Variants in MYO1D observed in about 807,000 individuals in gnomAD.
The protein encoded by MYO1D is myosin ID, also known as unconventional myosin-Id.
A neutral mutation model predicts 122.0 loss-of-function variants in MYO1D; 83 were observed. The ratio of observed to expected loss-of-function variants is 0.68; its 90% CI spans 0.57 to 0.82. MYO1D has a LOEUF of 0.82. MYO1D is among the 40% of genes least tolerant of loss of function. The probability of loss-of-function intolerance (pLI) is 0.00; values close to 1 mark genes in which losing one functional copy is unlikely to be tolerated. For missense variants in MYO1D, 1,157 were observed against 1,269.5 expected (o/e 0.91, Z 1.35); for synonymous variants, 464 against 446.9 (o/e 1.04, Z -0.48).
chr17:32,679,667 G>A (rs1278788911), intron 16 of MYO1D, among the ~76,000 whole-genome samples: 1 of 152,210 alleles, frequency 6.6e-6, no homozygotes, highest in African/African-American at 2.4e-5. Context: ...CTGTAGCCTT[G>A]TAGTAGAGTT....
Position 32,527,838 on chromosome 17 carries a change from C to CT in MYO1D, c.2865-32924dup, listed in dbSNP as rs35009377. 1.6e-3 allele frequency among the ~76,000 whole-genome samples: 216 copies of CT among 134,854 alleles called. 1 individual carries two copies. The highest frequency in any genetic ancestry group is 2.8e-3 in the Admixed American group (38 of 13,532). The allele number at this position is 134,854 out of a possible 152,430, so 88.5% of individuals were successfully genotyped here. On this transcript the variant is annotated intron_variant, in intron 21 of 21. Transcript: ENST00000318217. ...TAAAAGCTACATAAAAGCAAAACAA[C>CT]TTTTTTTTTTTTTTTTTTGAGGCAG...
At chr17:32,762,358 T>G (rs992049037) in intron 8 of MYO1D, among the ~76,000 whole-genome samples, 3 of 152,154 alleles carry the variant, frequency 2.0e-5, no homozygotes, top group Non-Finnish European at 4.4e-5. Context: ...TTATTCTTGC[T>G]TCTCTCATTC....
At chr17:32,500,210 C>T (rs1349657009) in intron 21 of MYO1D, among the ~76,000 whole-genome samples, 2 of 152,190 alleles carry the variant, frequency 1.3e-5, no homozygotes, top group Non-Finnish European at 2.9e-5. Context: ...AGGCCTCAGT[C>T]CATCTGCTGT....
At chr17:32,691,388 T>C (rs2089096739) in intron 16 of MYO1D, among the ~76,000 whole-genome samples, 1 of 151,118 alleles carries the variant, frequency 6.6e-6, no homozygotes, top group Admixed American at 6.6e-5. Context: ...TCATGAGAAA[T>C]GTTGCAAAGA....
rs144273706 is a variant in MYO1D, at chr17:32,731,768, C to T, written c.1746+6485G>A. Reference sequence around the variant, plus strand: ...CGCACTTCCTGGGTGCAGCTGTGGCCGCCCAGCTACGGTGCAGGACCCAGG... The same window carrying T: ...CGCACTTCCTGGGTGCAGCTGTGGCTGCCCAGCTACGGTGCAGGACCCAGG... On this transcript the variant is annotated intron_variant, in intron 14 of 21. Transcript: ENST00000318217. 1.9e-3 allele frequency among the ~76,000 whole-genome samples: 285 copies of T among 152,254 alleles called. 2 individuals carry two copies. The highest frequency in any genetic ancestry group is 0.01 in the Middle Eastern group (3 of 294).
At chr17:32,842,358 A>C (rs2090890945) in intron 1 of MYO1D, among the ~76,000 whole-genome samples, 1 of 152,154 alleles carries the variant, frequency 6.6e-6, no homozygotes, top group South Asian at 2.1e-4. Context: ...CGAGACAGTT[A>C]ATCCCAGCAG....
intron 1 of MYO1D, among the ~76,000 whole-genome samples, chr17:32,865,160 A>C (rs1416918845): frequency 1.3e-5 from 2 of 152,200 alleles, no homozygotes; most frequent in Non-Finnish European, 2.9e-5. Flanking sequence ...TCCAAAATAA[A>C]TATGTTGTTG....
At chr17:32,673,414 AT>A (rs1353605793) in intron 16 of MYO1D, among the ~76,000 whole-genome samples, 1 of 152,060 alleles carries the variant, frequency 6.6e-6, no homozygotes, top group Non-Finnish European at 1.5e-5. Context: ...AACATGCTAC[AT>A]TTTTTAATAA....
At chr17:32,675,833 T>C (rs930964808) in intron 16 of MYO1D, among the ~76,000 whole-genome samples, 3 of 152,194 alleles carry the variant, frequency 2.0e-5, no homozygotes, top group African/African-American at 7.2e-5. Context: ...AAGTTTTATG[T>C]AGTCAAATGT....
intron 21 of MYO1D, among the ~76,000 whole-genome samples, chr17:32,588,394 G>A (rs1401887170): frequency 2.0e-5 from 3 of 152,146 alleles, no homozygotes; most frequent in Non-Finnish European, 2.9e-5. Flanking sequence ...TTCTCTGATC[G>A]TTCAAAATAA....
chr17:32,545,367 A>C lies in MYO1D; in HGVS notation c.2865-50452T>G, dbSNP rs571151319. ...GGCTCAGTGGCAGCACCCAGGAAAC[A>C]TCAGTAAACAGTGGCATATTATTCT... On this transcript the variant is annotated intron_variant, in intron 21 of 21. Coordinates refer to ENST00000318217, the MANE Select transcript of MYO1D (RefSeq NM_015194.3). 2.6e-5 allele frequency among the ~76,000 whole-genome samples: 4 copies of C among 152,372 alleles called. No homozygotes were observed. The South Asian group carries it at 8.3e-4, about 32-fold the overall frequency.
chr17:32,656,582 G>A (rs2088479632), intron 17 of MYO1D, among the ~76,000 whole-genome samples: 1 of 152,214 alleles, frequency 6.6e-6, no homozygotes, highest in African/African-American at 2.4e-5. Context: ...CCACATGTTG[G>A]TCAGAGATAG....
chr17:32,799,948 T>C (rs2090447140), intron 1 of MYO1D, among the ~76,000 whole-genome samples: 1 of 152,146 alleles, frequency 6.6e-6, no homozygotes, highest in Non-Finnish European at 1.5e-5. Flanking sequence ...AAACTGCTCA[T>C]CTCTAATAAT....
chr17:32,788,030 A>G (rs2090315126), intron 1 of MYO1D, among the ~76,000 whole-genome samples: 1 of 152,030 alleles, frequency 6.6e-6, no homozygotes, highest in South Asian at 2.1e-4. Context: ...ATATTTTTGC[A>G]ATTGCAAATT....
At chr17:32,714,754 A>G (rs953174681) in intron 15 of MYO1D, among the ~76,000 whole-genome samples, 1 of 152,218 alleles carries the variant, frequency 6.6e-6, no homozygotes, top group African/African-American at 2.4e-5. Context: ...TTCAGGATAC[A>G]GGCATGGGCA....
intron 21 of MYO1D, among the ~76,000 whole-genome samples, chr17:32,501,677 C>A (rs1177628853): frequency 6.6e-6 from 1 of 152,212 alleles, no homozygotes; most frequent in Non-Finnish European, 1.5e-5. Context: ...CGGGAGGCAT[C>A]CCAGTCCGCG....
intron 19 of MYO1D, among the ~76,000 whole-genome samples, chr17:32,651,702 A>G (rs1597972818): frequency 8.4e-6 from 1 of 118,990 alleles, no homozygotes; most frequent in Non-Finnish European, 1.7e-5. Context: ...TTTTAGACGG[A>G]GTCTTGTTCT....
At chr17:32,612,693 A>C (rs1245119400) in intron 20 of MYO1D, among the ~76,000 whole-genome samples, 1 of 147,472 alleles carries the variant, frequency 6.8e-6, no homozygotes, top group African/African-American at 2.5e-5. Flanking sequence ...AAAAAAAAAA[A>C]AACAAAAAAA....
intron 16 of MYO1D, among the ~76,000 whole-genome samples, chr17:32,676,786 G>C (rs2088815855): frequency 6.6e-6 from 1 of 152,010 alleles, no homozygotes; most frequent in Non-Finnish European, 1.5e-5. Context: ...AACATATTGT[G>C]ATACAATGAT....
Sources: gnomAD v4.1 joint callset for allele counts (sites outside exome capture counted in the v4.1 genomes callset) on GRCh38, gnomAD v4.1.1 for gene constraint, MANE v1.5 for transcripts, NCBI Gene and HGNC (gene_info 2026-07-23, HGNC 2026-07-21) for gene names.